Variants in IDNK observed in about 807,000 individuals in gnomAD.
IDNK encodes the protein gluconokinase.
A neutral mutation model predicts 13.0 loss-of-function variants in IDNK; 9 were observed. The ratio of observed to expected loss-of-function variants is 0.69; its 90% CI spans 0.42 to 1.21. IDNK has a LOEUF of 1.21. IDNK is among the 50% of genes most tolerant of loss of function. IDNK has a pLI of 0.00. For synonymous variants in IDNK, 92 were observed against 94.9 expected (o/e 0.97, Z 0.18); for missense variants, 210 against 237.8 (o/e 0.88, Z 0.77).
chr9:83,637,765 A>C (rs1831203386), intron 3 of IDNK, among the ~76,000 whole-genome samples: 1 of 152,228 alleles, frequency 6.6e-6, no homozygotes, highest in African/African-American at 2.4e-5. Flanking sequence ...GCCTGTATGA[A>C]GCATGGAGCT....
intron 3 of IDNK, among the ~76,000 whole-genome samples, chr9:83,634,083 C>T (rs1008114598): frequency 6.6e-6 from 1 of 152,168 alleles, no homozygotes; most frequent in Admixed American, 6.5e-5. Flanking sequence ...TCTACACTGG[C>T]GCTGCCTTGG....
intron 1 of IDNK, chr9:83,623,479 C>T (rs1462051665): frequency 4.3e-6 from 2 of 462,324 alleles, no homozygotes; most frequent in African/African-American, 4.2e-5. Context: ...ACCGCAGGCT[C>T]AGGGAGGAAG....
At chr9:83,630,212 T>TG (rs1346216363) in intron 3 of IDNK, among the ~76,000 whole-genome samples, 2 of 152,202 alleles carry the variant, frequency 1.3e-5, no homozygotes, top group Non-Finnish European at 2.9e-5. Context: ...TCTTTGTTAT[T>TG]GGGGGTACAG....
intron 1 of IDNK, among the ~76,000 whole-genome samples, chr9:83,625,955 G>C (rs1345437561): frequency 1.3e-5 from 2 of 152,284 alleles, no homozygotes; most frequent in Middle Eastern, 3.4e-3. Flanking sequence ...CATCTGAGTG[G>C]GTGGCAGAGT....
chr9:83,638,046 C>A (rs1029254082), intron 3 of IDNK, among the ~76,000 whole-genome samples: 1 of 151,946 alleles, frequency 6.6e-6, no homozygotes, highest in African/African-American at 2.4e-5. Flanking sequence ...TAAAACTGTT[C>A]TAGAATTGGT....
chr9:83,623,493 C>T (rs969579771), intron 1 of IDNK: 7 of 429,028 alleles, frequency 1.6e-5, no homozygotes, highest in South Asian at 1.4e-4. Context: ...GAGGAAGCCG[C>T]TCCTGAACAG....
intron 3 of IDNK, among the ~76,000 whole-genome samples, chr9:83,640,702 G>A (rs184644202): frequency 1.2e-4 from 18 of 152,262 alleles, no homozygotes; most frequent in Admixed American, 2.0e-4. Flanking sequence ...TTAATTAGTC[G>A]GGCATGGTGG....
At chr9:83,636,068 G>A (rs1323223221) in intron 3 of IDNK, among the ~76,000 whole-genome samples, 1 of 152,192 alleles carries the variant, frequency 6.6e-6, no homozygotes, top group Non-Finnish European at 1.5e-5. Flanking sequence ...ACATATAGCA[G>A]TATTATCTTT....
chr9:83,633,221 C>A (rs1293305172), intron 3 of IDNK, among the ~76,000 whole-genome samples: 1 of 152,208 alleles, frequency 6.6e-6, no homozygotes, highest in African/African-American at 2.4e-5. Flanking sequence ...CGCCTGTAGT[C>A]CCAGCTACTC....
At chr9:83,642,979 T>A (rs1572135) in intron 4 of IDNK, among the ~76,000 whole-genome samples, 1 of 152,060 alleles carries the variant, frequency 6.6e-6, no homozygotes, top group East Asian at 1.9e-4. Flanking sequence ...AGTTGTAGAA[T>A]GCAGATCCCT....
At chr9:83,628,577 G>A (rs920650411) in intron 2 of IDNK, among the ~76,000 whole-genome samples, 4 of 152,092 alleles carry the variant, frequency 2.6e-5, no homozygotes, top group Admixed American at 6.6e-5. Context: ...ACTTGAACCC[G>A]GGAGGTGGAG....
chr9:83,636,909 G>T (rs551661804), intron 3 of IDNK, among the ~76,000 whole-genome samples: 1 of 152,180 alleles, frequency 6.6e-6, no homozygotes, highest in South Asian at 2.1e-4. Context: ...TGACCATGTG[G>T]TCTGCAAATA....
At position 83,643,539 on chromosome 9, in the gene IDNK, C is replaced by T. The variant is rs910521385; in HGVS notation, c.323C>T (p.Ser108Leu). 2 of 1,613,492 alleles carry T rather than the reference C, an allele frequency of 1.2e-6. No homozygotes were observed. The highest frequency in any genetic ancestry group is 1.7e-6 in the Non-Finnish European group (2 of 1,179,874). The change falls in exon 5 of 5, where the codon TCG (serine) becomes TTG (leucine). Residue 108 changes from serine to leucine, a missense_variant. Physicochemically the swap from Ser to Leu is moderately radical, Grantham distance 145 (BLOSUM62 -2). Transcript: ENST00000376419. Reference sequence around the variant, plus strand: ...GGTGTAGCTCTGAAGTGTGAGGAGTCGGGAAAGGAAGCAAAGCAGGCTGAG... The same window carrying T: ...GGTGTAGCTCTGAAGTGTGAGGAGTTGGGAAAGGAAGCAAAGCAGGCTGAG... ...KDGVALKCEE[S>L]GKEAKQAEMQ... is the part of the protein sequence containing the mutation.
At chr9:83,640,294 C>G (rs1382269828) in intron 3 of IDNK, among the ~76,000 whole-genome samples, 1 of 152,190 alleles carries the variant, frequency 6.6e-6, no homozygotes. Flanking sequence ...AACTATCCTA[C>G]TCATTTTATA....
chr9:83,623,454 G>C lies in IDNK; in HGVS notation c.50+233G>C. 5.8e-6 allele frequency: 3 copies of C among 517,888 alleles called. No homozygotes were observed. In the South Asian group the frequency reaches 6.6e-5, roughly 11 times the overall value. The allele number at this position is 517,888 out of a possible 1,614,324, so 32.1% of individuals were successfully genotyped here. On this transcript the variant is annotated intron_variant, in intron 1 of 4. Transcript: ENST00000376419. ...GAGCTCCGGGTTCCCGCTCTAAGACGGGGAGGCTGCGGCGACCGCAGGCTC... is the reference window on the plus strand; with the variant it reads ...GAGCTCCGGGTTCCCGCTCTAAGACCGGGAGGCTGCGGCGACCGCAGGCTC...
chr9:83,632,280 C>G (rs1197221816), intron 3 of IDNK, among the ~76,000 whole-genome samples: 1 of 152,100 alleles, frequency 6.6e-6, no homozygotes, highest in African/African-American at 2.4e-5. Flanking sequence ...CCCATCATCC[C>G]CTTCCAAAAG....
intron 3 of IDNK, among the ~76,000 whole-genome samples, chr9:83,637,605 G>A (rs1021968448): frequency 7.2e-5 from 11 of 152,188 alleles, no homozygotes; most frequent in African/African-American, 2.4e-4. Context: ...AAAGCAAAAC[G>A]AGAACATCTC....
intron 3 of IDNK, among the ~76,000 whole-genome samples, chr9:83,638,965 G>A (rs1163211240): frequency 6.6e-6 from 1 of 152,124 alleles, no homozygotes; most frequent in East Asian, 1.9e-4. Context: ...AATGCATCAA[G>A]CCTGACATAG....
intron 2 of IDNK, among the ~76,000 whole-genome samples, chr9:83,628,506 G>A (rs960195943): frequency 1.4e-4 from 22 of 152,110 alleles, no homozygotes; most frequent in African/African-American, 4.1e-4. Context: ...AAAATTAGCC[G>A]GGCATGGTTG....
Sources: allele counts gnomAD v4.1 joint callset (sites outside exome capture counted in the v4.1 genomes callset), GRCh38; gene constraint gnomAD v4.1.1; transcripts MANE v1.5; gene names NCBI Gene and HGNC (gene_info 2026-07-23, HGNC 2026-07-21).